Variants in VPS4A observed in about 807,000 individuals in gnomAD.
The protein encoded by VPS4A is vacuolar protein sorting-associated protein 4A.
VPS4A carries 20 observed loss-of-function variants against 52.3 expected under a neutral mutation model. The observed-to-expected ratio is 0.38, with a 90% CI of 0.27 to 0.56. VPS4A has a LOEUF of 0.56. Ranked by LOEUF, VPS4A falls within the 20% of genes least tolerant of loss-of-function variation. VPS4A has a pLI of 0.72. For synonymous variants in VPS4A, 293 were observed against 227.7 expected (o/e 1.29, Z -2.58); for missense variants, 419 against 575.9 (o/e 0.73, Z 2.79).
chr16:69,321,406 G>A lies in VPS4A; in HGVS notation c.1071+136G>A. ...TCTGAGGCCTCCTGGAGAGCCGAGGGCCAGTGCCATGGGGGCTGCACCCAC... is the reference window on the plus strand; with the variant it reads ...TCTGAGGCCTCCTGGAGAGCCGAGGACCAGTGCCATGGGGGCTGCACCCAC... On this transcript the variant is annotated intron_variant, in intron 9 of 10. Coordinates refer to ENST00000254950, the MANE Select transcript of VPS4A (RefSeq NM_013245.3). This position sits in a 1 kb window ranked among gnomAD's most constrained non-coding sequence, Gnocchi z 4.5. 1.1e-6 allele frequency: 1 copy of A among 946,498 alleles called. No homozygotes were observed. The highest frequency in any genetic ancestry group is 1.6e-6 in the Non-Finnish European group (1 of 638,828). The allele number at this position is 946,498 out of a possible 1,614,324, so 58.6% of individuals were successfully genotyped here. A position where few individuals can be genotyped will look rare whatever the true frequency, so the allele number is the denominator to read the frequency against.
chr16:69,318,094 G>C lies in VPS4A; in HGVS notation c.282-556G>C, dbSNP rs117957223. The stretch of plus-strand genomic sequence containing the variant: ...GCGATCTTGGTTAACTGCAACCTCT[G>C]CCTCCCAAGTAGCTGGCACCATAGG... On this transcript the variant is annotated intron_variant, in intron 3 of 10. Coordinates refer to ENST00000254950, the MANE Select transcript of VPS4A (RefSeq NM_013245.3). 1.8e-4 allele frequency among the ~76,000 whole-genome samples: 26 copies of C among 148,372 alleles called. No homozygotes were observed. In the East Asian group the frequency reaches 5.0e-3, roughly 29 times the overall value.
At position 69,324,419 on chromosome 16, in the gene VPS4A, A is replaced by G; in HGVS notation, c.*110A>G. 15 of 1,199,874 alleles carry G rather than the reference A, an allele frequency of 1.3e-5. No homozygotes were observed. Among genetic ancestry groups the G allele is most frequent in the Non-Finnish European group, 1.8e-5 (15 of 836,478 alleles). 74.3% of individuals were successfully genotyped at this position (1,199,874 alleles called of 1,614,324 possible). On this transcript the variant is annotated 3_prime_UTR_variant, in exon 11 of 11. Coordinates refer to ENST00000254950, the MANE Select transcript of VPS4A (RefSeq NM_013245.3). ...CTCCAGGGCTTGTCCCAGTCAATACAGAGTTCCCTCTGCTGTCTGGCCGTC... is the reference window on the plus strand; with the variant it reads ...CTCCAGGGCTTGTCCCAGTCAATACGGAGTTCCCTCTGCTGTCTGGCCGTC...
At position 69,326,057 on chromosome 16, in the gene VPS4A, C is replaced by T. The variant is rs1208520346; in HGVS notation, c.*1748C>T. ...ATATAAACAGACCAAAGTCAAAGCA[C>T]ATTCACACAGAAAGACCTGGCCTAG... is the stretch of plus-strand genomic sequence containing the variant. On this transcript the variant is annotated 3_prime_UTR_variant, in exon 11 of 11. Coordinates refer to ENST00000254950, the MANE Select transcript of VPS4A (RefSeq NM_013245.3). The T allele has an allele frequency of 6.6e-6, 1 of 152,364 alleles. No individual in the cohort carries two copies. Among genetic ancestry groups the T allele is most frequent in the Non-Finnish European group, 1.5e-5 (1 of 68,124 alleles). The allele number at this position is 152,364 out of a possible 1,614,324, so 9.4% of individuals were successfully genotyped here.
At chr16:69,322,762 G>T in intron 10 of VPS4A, 62 bp downstream of exon 10, 1 of 1,547,942 alleles carries the variant, frequency 6.5e-7, no homozygotes, top group Non-Finnish European at 8.7e-7. Flanking sequence ...GAGGGTTTGG[G>T]TCCAGAATAA....
Position 69,320,951 on chromosome 16 carries a change from C to G in VPS4A, c.852-100C>G. 1 of 1,316,940 alleles carries G rather than the reference C, an allele frequency of 7.6e-7. No individual in the cohort carries two copies. Among genetic ancestry groups the G allele is most frequent in the Non-Finnish European group, 1.1e-6 (1 of 943,600 alleles). 81.6% of individuals were successfully genotyped at this position (1,316,940 alleles called of 1,614,324 possible). On this transcript the variant is annotated intron_variant, in intron 8 of 10. Transcript: ENST00000254950. The surrounding 1 kb of genome is among the most constrained non-coding windows in gnomAD (Gnocchi z 4.2). ...GGATGTGCCGCCAGCATCACTGGCC[C>G]ATGAAATGCGTCCGTTTCACTCAAA... is the stretch of plus-strand genomic sequence containing the variant.
At position 69,316,335 on chromosome 16, in the gene VPS4A, A is replaced by G; in HGVS notation, c.244A>G (p.Lys82Glu). 1 of 1,613,844 alleles carries G rather than the reference A, an allele frequency of 6.2e-7. No homozygotes were observed. The stretch of plus-strand genomic sequence containing the variant: ...TTTACGAAGCAAAGAGAAACACGGC[A>G]AGAAGCCAGTCAAAGAGAACCAGAG... ...DYLRSKEKHGKKPVKENQSEG... is the reference protein window; with the variant it reads ...DYLRSKEKHGEKPVKENQSEG... The change falls in exon 3 of 11, where the codon AAG becomes GAG. Residue 82 changes from lysine (K) to glutamate (E), a missense_variant. Coordinates refer to ENST00000254950, the MANE Select transcript of VPS4A (RefSeq NM_013245.3).
chr16:69,320,489 A>C lies in VPS4A; in HGVS notation c.770-199A>C. 1.2e-6 allele frequency: 1 copy of C among 831,946 alleles called. No individual in the cohort carries two copies. Among genetic ancestry groups the C allele is most frequent in the South Asian group, 1.8e-5 (1 of 55,070 alleles). 51.5% of individuals were successfully genotyped at this position (831,946 alleles called of 1,614,324 possible). On this transcript the variant is annotated intron_variant, in intron 7 of 10. Transcript: ENST00000254950. The surrounding 1 kb of genome is among the most constrained non-coding windows in gnomAD (Gnocchi z 4.2). ...CCTCACGGGCCACTCCACCCCTCCC[A>C]TGGCAGGCAGTGCCATAGGTCTCAC...
Position 69,311,545 on chromosome 16 carries a change from G to T in VPS4A, c.21+13G>T, listed in dbSNP as rs1446904384. ...GTCAACCCTCCAGGTACTTCGTGCG[G>T]CCCGGCCCGACTTCGGAGGCCGAAG... On this transcript the variant is annotated intron_variant, in intron 1 of 10. Transcript: ENST00000254950. The T allele has an allele frequency of 7.6e-7, 1 of 1,316,682 alleles. No individual in the cohort carries two copies. The highest frequency in any genetic ancestry group is 9.8e-7 in the Non-Finnish European group (1 of 1,020,146). 81.6% of individuals were successfully genotyped at this position (1,316,682 alleles called of 1,614,324 possible). A position where few individuals can be genotyped will look rare whatever the true frequency, so the allele number is the denominator to read the frequency against.
intron 1 of VPS4A, among the ~76,000 whole-genome samples, chr16:69,313,254 G>C (rs1375750762): frequency 6.6e-6 from 1 of 152,122 alleles, no homozygotes; most frequent in Admixed American, 6.6e-5. Context: ...CAAAGTGCTG[G>C]GATTACAGAT....
rs374509299 is a variant in VPS4A, at chr16:69,321,192, C to T, written c.993C>T (p.Gly331=). The change falls in exon 9 of 11, where the codon GGC becomes GGT. Residue 331 remains glycine (G), a synonymous_variant. Coordinates refer to ENST00000254950, the MANE Select transcript of VPS4A (RefSeq NM_013245.3). This position sits in a 1 kb window ranked among gnomAD's most constrained non-coding sequence, Gnocchi z 4.5. ...CCCGGAAGACGGAAGGCTACTCGGG[C>T]GCGGACATCAGCATCATCGTGCGGG... ...ELARKTEGYS[G]ADISIIVRDS... The T allele has an allele frequency of 2.4e-5, 38 of 1,572,022 alleles. No individual in the cohort carries two copies. The highest frequency in any genetic ancestry group is 9.5e-5 in the East Asian group (4 of 42,192).
chr16:69,324,832 G>GACAT lies in VPS4A; in HGVS notation c.*525_*528dup. 1 of 174,542 alleles carries GACAT rather than the reference G, an allele frequency of 5.7e-6. No homozygotes were observed. The highest frequency in any genetic ancestry group is 1.4e-4 in the South Asian group (1 of 7,060). 10.8% of individuals were successfully genotyped at this position (174,542 alleles called of 1,614,324 possible). A position where few individuals can be genotyped will look rare whatever the true frequency, so the allele number is the denominator to read the frequency against. On this transcript the variant is annotated 3_prime_UTR_variant, in exon 11 of 11. Coordinates refer to ENST00000254950, the MANE Select transcript of VPS4A (RefSeq NM_013245.3). ...CCAAGCTCTGCCTCAAAGACCGAGT[G>GACAT]ACATAAGCCATTCCCACCCTCCTAG... is the stretch of plus-strand genomic sequence containing the variant.
rs745788246 is a variant in VPS4A at position 69,318,606 on chromosome 16, C to T, written c.282-44C>T. The T allele has an allele frequency of 1.1e-5, 17 of 1,576,084 alleles. No individual in the cohort carries two copies. The Admixed American group carries it at 1.7e-4, about 16-fold the overall frequency. The stretch of plus-strand genomic sequence containing the variant: ...GACTTGCTGGGAGCACCTCTGTGCT[C>T]CAGGCTGAAGGGCCAGCTTGTGACT... On this transcript the variant is annotated intron_variant, in intron 3 of 10. Coordinates refer to ENST00000254950, the MANE Select transcript of VPS4A (RefSeq NM_013245.3).
In VPS4A at chr16:69,321,486, A is replaced by G; in HGVS notation, c.1071+216A>G. The G allele has an allele frequency of 3.3e-6, 2 of 600,952 alleles. No homozygotes were observed. The highest frequency in any genetic ancestry group is 5.9e-6 in the Non-Finnish European group (2 of 341,512). The allele number at this position is 600,952 out of a possible 1,614,324, so 37.2% of individuals were successfully genotyped here. On this transcript the variant is annotated intron_variant, in intron 9 of 10. Transcript: ENST00000254950. This position sits in a 1 kb window ranked among gnomAD's most constrained non-coding sequence, Gnocchi z 4.5. The stretch of plus-strand genomic sequence containing the variant: ...TGGCCATCTCAGGGTGTGTGAAAGC[A>G]GAGGACAGGGCCACTTTACTGTCTT...
At chr16:69,322,458 G>A in intron 9 of VPS4A, 102 bp from the exon 10 acceptor site, 3 of 1,311,368 alleles carry the variant, frequency 2.3e-6, no homozygotes, top group East Asian at 5.3e-5. Flanking sequence ...AGATGCTAGG[G>A]ACCCACAGAG....
At chr16:69,322,468 G>C in intron 9 of VPS4A, 92 bp from the exon 10 acceptor site, 1 of 1,379,124 alleles carries the variant, frequency 7.3e-7, no homozygotes, top group Non-Finnish European at 9.6e-7. Flanking sequence ...GACCCACAGA[G>C]CATTCTCTTT....
chr16:69,321,003 C>T lies in VPS4A; in HGVS notation c.852-48C>T. ...CTTCGTGCCTCCCCTTCCGTGAATA[C>T]CATTCCATCATCCGCTGTCAACTCC... On this transcript the variant is annotated intron_variant, in intron 8 of 10. Transcript: ENST00000254950. The surrounding 1 kb of genome is among the most constrained non-coding windows in gnomAD (Gnocchi z 4.5). The T allele has an allele frequency of 6.6e-7, 1 of 1,526,196 alleles. No individual in the cohort carries two copies. The highest frequency in any genetic ancestry group is 1.4e-5 in the African/African-American group (1 of 72,634). 94.5% of individuals were successfully genotyped at this position (1,526,196 alleles called of 1,614,324 possible). A position where few individuals can be genotyped will look rare whatever the true frequency, so the allele number is the denominator to read the frequency against.
Position 69,319,474 on chromosome 16 carries a change from C to G in VPS4A, c.551C>G (p.Ala184Gly). ...CTGGCCAAAGCCGTGGCAACAGAGG[C>G]CAACAACTCCACCTTCTTCTCTGTG... ...SYLAKAVATE[A>G]NNSTFFSVSS... is the part of the protein sequence containing the mutation. The change falls in exon 6 of 11, where the codon GCC (alanine) becomes GGC (glycine). Residue 184 changes from alanine (A) to glycine (G), a missense_variant. By Grantham distance (60) the Ala-to-Gly change is moderately conservative (BLOSUM62 0). Around this residue, in one of 3 missense-constraint regions of VPS4A, gnomAD observed 103 missense variants for 210.3 expected, o/e 0.49. Coordinates refer to ENST00000254950, the MANE Select transcript of VPS4A (RefSeq NM_013245.3). 6.2e-7 allele frequency: 1 copy of G among 1,614,014 alleles called. No individual in the cohort carries two copies.
rs1032075886 is a variant in VPS4A, at chr16:69,326,281, A to G, written c.*1972A>G. The G allele has an allele frequency of 6.6e-6, 1 of 152,210 alleles. No homozygotes were observed. Among genetic ancestry groups the G allele is most frequent in the African/African-American group, 2.4e-5 (1 of 41,442 alleles). 9.4% of individuals were successfully genotyped at this position (152,210 alleles called of 1,614,324 possible). A position where few individuals can be genotyped will look rare whatever the true frequency, so the allele number is the denominator to read the frequency against. On this transcript the variant is annotated 3_prime_UTR_variant, in exon 11 of 11. Coordinates refer to ENST00000254950, the MANE Select transcript of VPS4A (RefSeq NM_013245.3). ...AGAAGTGAGCTAACTTTGGATCAGT[A>G]GCTCCAACACTTGGCTCCAGTGCTG...
In VPS4A at chr16:69,317,864, A is replaced by G. The variant is rs576479783; in HGVS notation, c.282-786A>G. 2.0e-5 allele frequency among the ~76,000 whole-genome samples: 3 copies of G among 149,716 alleles called. No individual in the cohort carries two copies. The East Asian group carries it at 6.1e-4, about 31-fold the overall frequency. On this transcript the variant is annotated intron_variant, in intron 3 of 10. Transcript: ENST00000254950. ...CTACTCGGGAGGCTGACGCCAGAGA[A>G]TTCAGAGAATTACTTGAACCCGGGA...
Sources: allele counts gnomAD v4.1 joint callset (sites outside exome capture counted in the v4.1 genomes callset), GRCh38; gene constraint gnomAD v4.1.1; regional missense constraint gnomAD v4.1.1; non-coding constraint Gnocchi (gnomAD v3.1); transcripts MANE v1.5; gene names NCBI Gene and HGNC (gene_info 2026-07-23, HGNC 2026-07-21).